The following TBC1D9 variants were observed in gnomAD, a reference collection of about 807,000 sequenced individuals.
The protein encoded by TBC1D9 is TBC1 domain family member 9A.
TBC1D9 carries 63 observed loss-of-function variants against 132.0 expected under a neutral mutation model. The observed-to-expected ratio is 0.48, with a 90% CI of 0.39 to 0.59. The LOEUF is 0.59. Among genes scored for constraint, TBC1D9 ranks in the 20% least tolerant of loss-of-function variants. The pLI is 0.00. For missense variants in TBC1D9, 1,261 were observed against 1,592.7 expected (o/e 0.79, Z 3.54); for synonymous variants, 610 against 609.9 (o/e 1.00, Z 0.00).
intron 13 of TBC1D9, chr4:140,643,296 T>C (rs1737040744): frequency 7.5e-7 from 1 of 1,324,590 alleles, no homozygotes; most frequent in Non-Finnish European, 1.1e-6. Context: ...CAGAAAGCTC[T>C]GCTCCAAGAC....
rs376446845 is a variant in TBC1D9 at position 140,708,772 on chromosome 4, T to A, written c.131-7158A>T. 1.8e-3 allele frequency among the ~76,000 whole-genome samples: 269 copies of A among 152,228 alleles called. 1 individual carries two copies. The highest frequency in any genetic ancestry group is 5.8e-3 in the African/African-American group (243 of 41,552). On this transcript the variant is annotated intron_variant, in intron 1 of 20. Transcript: ENST00000442267. ...GAAAGGGGAATACAGGTGGTGGCTG[T>A]TCTATGGGTAAGGAGGTGGGGGATG...
At chr4:140,671,680 G>C (rs1737537969) in intron 6 of TBC1D9, among the ~76,000 whole-genome samples, 1 of 99,844 alleles carries the variant, frequency 1.0e-5, no homozygotes, top group African/African-American at 3.6e-5. Flanking sequence ...CAGACTGTGT[G>C]TGTGTGTGTG....
intron 13 of TBC1D9, chr4:140,645,415 A>G (rs1385829847): frequency 8.9e-6 from 4 of 450,014 alleles, no homozygotes; most frequent in Non-Finnish European, 1.8e-5. Context: ...GCGCATCCAA[A>G]TGCCTTGGCA....
In TBC1D9 at chr4:140,628,346, G is replaced by A; in HGVS notation, c.2766C>T (p.Asp922=). 6.2e-7 allele frequency: 1 copy of A among 1,613,872 alleles called. No homozygotes were observed. Among genetic ancestry groups the A allele is most frequent in the Middle Eastern group, 1.6e-4 (1 of 6,062 alleles). Residue 922 remains aspartate (D), a synonymous_variant, in exon 17 of 21, where the codon GAC becomes GAT. Transcript: ENST00000442267. ...ACAGGAGTTTGAGCTTCTCTGTGAG[G>A]TCCCCATGGCATGCAGCACCTAGAA... ...VSGLSAACHG[D]LTEKLKLLYK...
intron 16 of TBC1D9, 62 bp from the exon 17 acceptor site, chr4:140,628,427 G>T: frequency 6.9e-7 from 1 of 1,444,192 alleles, no homozygotes; most frequent in Non-Finnish European, 9.7e-7. Flanking sequence ...TCCAGGCCTA[G>T]TGTTCCTCTA....
intron 1 of TBC1D9, among the ~76,000 whole-genome samples, chr4:140,736,554 TAAATA>T (rs1738676683): frequency 6.6e-6 from 1 of 151,796 alleles, no homozygotes; most frequent in African/African-American, 2.4e-5. Flanking sequence ...AATAAATGAA[TAAATA>T]AAATAAAGTC....
chr4:140,687,073 T>G (rs1020131214), intron 2 of TBC1D9, among the ~76,000 whole-genome samples: 1 of 151,840 alleles, frequency 6.6e-6, no homozygotes, highest in African/African-American at 2.4e-5. Flanking sequence ...GTCAACACAT[T>G]TTGGTCAATA....
chr4:140,655,516 T>C (rs889473093), intron 13 of TBC1D9, among the ~76,000 whole-genome samples: 3 of 152,320 alleles, frequency 2.0e-5, no homozygotes, highest in East Asian at 1.9e-4. Context: ...GAGAGCATAG[T>C]GCGCTCAGCA....
intron 13 of TBC1D9, among the ~76,000 whole-genome samples, chr4:140,653,791 CT>C (rs1410710961): frequency 6.6e-6 from 1 of 152,114 alleles, no homozygotes; most frequent in Admixed American, 6.5e-5. Context: ...AATATAGGCA[CT>C]GATATAAATT....
chr4:140,627,559 T>G, intron 17 of TBC1D9, 32 bp from the exon 18 acceptor site: 1 of 1,331,410 alleles, frequency 7.5e-7, no homozygotes, highest in Non-Finnish European at 1.1e-6. Flanking sequence ...GTTCTCATAT[T>G]GGTAGGGCCA....
intron 13 of TBC1D9, among the ~76,000 whole-genome samples, chr4:140,656,072 C>T (rs1325440695): frequency 1.3e-5 from 2 of 152,186 alleles, no homozygotes; most frequent in Admixed American, 6.5e-5. Context: ...GACATCCAGG[C>T]TCCATTCAAT....
At chr4:140,666,232 T>C (rs370977614) in intron 9 of TBC1D9, among the ~76,000 whole-genome samples, 3 of 152,216 alleles carry the variant, frequency 2.0e-5, no homozygotes, top group East Asian at 1.9e-4. Flanking sequence ...TGCTTCCATT[T>C]ATACAAAATG....
chr4:140,687,037 G>A (rs1284245138), intron 2 of TBC1D9, among the ~76,000 whole-genome samples: 3 of 152,032 alleles, frequency 2.0e-5, no homozygotes, highest in Non-Finnish European at 4.4e-5. Context: ...GTAATGGGAT[G>A]AGGTCATCCT....
At chr4:140,670,137 C>T (rs1200709848) in intron 7 of TBC1D9, among the ~76,000 whole-genome samples, 2 of 152,200 alleles carry the variant, frequency 1.3e-5, no homozygotes, top group Non-Finnish European at 2.9e-5. Context: ...ATGGCAGCCT[C>T]ATCACCCCAT....
At chr4:140,645,000 G>C in intron 13 of TBC1D9, 1 of 465,846 alleles carries the variant, frequency 2.1e-6, no homozygotes, top group South Asian at 1.6e-5. Context: ...CATGCTGCCC[G>C]AGCGGGACAA....
At chr4:140,661,163 C>A (rs1046161878) in intron 10 of TBC1D9, among the ~76,000 whole-genome samples, 9 of 152,170 alleles carry the variant, frequency 5.9e-5, no homozygotes, top group African/African-American at 2.2e-4. Context: ...ATCCTCCGGC[C>A]TTGGCTTACC....
chr4:140,673,486 A>C (rs147613616), intron 6 of TBC1D9, among the ~76,000 whole-genome samples: 190 of 152,282 alleles, frequency 1.2e-3, no homozygotes, highest in African/African-American at 4.3e-3. Context: ...CTCAGACCCC[A>C]CATGGATGGT....
At chr4:140,711,300 T>G (rs1738239559) in intron 1 of TBC1D9, among the ~76,000 whole-genome samples, 1 of 151,854 alleles carries the variant, frequency 6.6e-6, no homozygotes, top group African/African-American at 2.4e-5. Flanking sequence ...AACTCAAAGG[T>G]CAAGGTCAGC....
intron 1 of TBC1D9, among the ~76,000 whole-genome samples, chr4:140,719,082 T>C (rs1738382865): frequency 6.6e-6 from 1 of 151,384 alleles, no homozygotes; most frequent in Non-Finnish European, 1.5e-5. Context: ...GCCACAGCAC[T>C]CCAGCCTGGG....
Sources: allele counts gnomAD v4.1 joint callset (sites outside exome capture counted in the v4.1 genomes callset), GRCh38; gene constraint gnomAD v4.1.1; transcripts MANE v1.5; gene names NCBI Gene and HGNC (gene_info 2026-07-23, HGNC 2026-07-21).